The following ASIC2 variants were observed in gnomAD, a reference collection of about 807,000 sequenced individuals.
ASIC2 encodes acid-sensing ion channel 2.
ASIC2 carries 25 observed loss-of-function variants against 57.3 expected under a neutral mutation model. The observed-to-expected ratio is 0.44, with a 90% CI of 0.32 to 0.61. ASIC2 has a LOEUF of 0.61. ASIC2 is among the 20% of genes least tolerant of loss of function. The probability of loss-of-function intolerance (pLI) is 0.06; values close to 1 mark genes in which losing one functional copy is unlikely to be tolerated. For synonymous variants in ASIC2, 319 were observed against 307.5 expected (o/e 1.04, Z -0.39); for missense variants, 641 against 738.1 (o/e 0.87, Z 1.52).
chr17:33,221,747 G>A (rs531469829), intron 1 of ASIC2, among the ~76,000 whole-genome samples: 112 of 152,166 alleles, frequency 7.4e-4, no homozygotes, highest in African/African-American at 1.9e-3. Context: ...CAGGAAAATC[G>A]TAAGATACTT....
chr17:33,286,553 C>T (rs1489215236), intron 1 of ASIC2, among the ~76,000 whole-genome samples: 3 of 152,190 alleles, frequency 2.0e-5, no homozygotes, highest in Admixed American at 6.5e-5. Context: ...CTGAACTAGG[C>T]GCGGGGCCTA....
At chr17:33,620,299 C>T (rs1421041438) in intron 1 of ASIC2, among the ~76,000 whole-genome samples, 4 of 147,374 alleles carry the variant, frequency 2.7e-5, no homozygotes, top group East Asian at 4.0e-4. Context: ...TCTATTAATA[C>T]GGCCAAAAAG....
chr17:34,070,007 T>C (rs1024617770), intron 1 of ASIC2: 3 of 152,090 alleles, frequency 2.0e-5, no homozygotes, highest in African/African-American at 7.2e-5. Flanking sequence ...GCTTGGCCCA[T>C]AGTAGGTATA....
intron 1 of ASIC2, among the ~76,000 whole-genome samples, chr17:33,522,197 G>C (rs931149870): frequency 6.6e-6 from 1 of 152,080 alleles, no homozygotes; most frequent in Non-Finnish European, 1.5e-5. Context: ...GTACCCCCTC[G>C]TGGGCTCCCC....
intron 1 of ASIC2, among the ~76,000 whole-genome samples, chr17:33,458,585 T>C (rs568296384): frequency 6.6e-5 from 10 of 152,298 alleles, no homozygotes; most frequent in African/African-American, 2.2e-4. Flanking sequence ...TTTCCTCCTC[T>C]GCATAATGGG....
At chr17:34,027,046 C>A (rs1053022376) in intron 1 of ASIC2, among the ~76,000 whole-genome samples, 5 of 152,086 alleles carry the variant, frequency 3.3e-5, no homozygotes, top group Admixed American at 6.5e-5. Flanking sequence ...AAAGAGAAAA[C>A]AAAAACACTC....
chr17:33,264,708 G>A (rs1054766149), intron 1 of ASIC2, among the ~76,000 whole-genome samples: 6 of 152,224 alleles, frequency 3.9e-5, no homozygotes, highest in Non-Finnish European at 4.4e-5. Flanking sequence ...TGTGGGTTGG[G>A]CTAACTCAGT....
At chr17:33,890,947 A>G (rs928100572) in intron 1 of ASIC2, among the ~76,000 whole-genome samples, 2 of 148,120 alleles carry the variant, frequency 1.4e-5, no homozygotes, top group Non-Finnish European at 3.0e-5. Context: ...CCCCAAGCAG[A>G]CTGTGTGAGT....
At chr17:34,089,501 G>A (rs1284093031) in intron 1 of ASIC2, among the ~76,000 whole-genome samples, 3 of 152,164 alleles carry the variant, frequency 2.0e-5, no homozygotes, top group East Asian at 3.9e-4. Context: ...TATGGAAATT[G>A]ATGAGCCAAA....
chr17:33,568,734 G>A (rs1916332091), intron 1 of ASIC2, among the ~76,000 whole-genome samples: 1 of 152,068 alleles, frequency 6.6e-6, no homozygotes, highest in Non-Finnish European at 1.5e-5. Flanking sequence ...TTCTTTTTGA[G>A]GGGAAGGAAT....
Position 33,399,924 on chromosome 17 carries a change from C to T in ASIC2, c.556-287857G>A, listed in dbSNP as rs796488104. Among the ~76,000 whole-genome samples the T allele has an allele frequency of 1.6e-4, 25 of 152,298 alleles. 1 individual carries two copies. The highest frequency in any genetic ancestry group is 5.8e-4 in the African/African-American group (24 of 41,554). On this transcript the variant is annotated intron_variant, in intron 1 of 9. Coordinates refer to the ASIC2 transcript ENST00000359872. ...TAGAAAAGTGAACTCTGCAGACAAG[C>T]CTGGGACCCTATCTGTCTCATTAGT...
intron 1 of ASIC2, among the ~76,000 whole-genome samples, chr17:33,455,289 C>T (rs1912409046): frequency 6.6e-6 from 1 of 152,200 alleles, no homozygotes; most frequent in South Asian, 2.1e-4. Flanking sequence ...ATGATCCCCT[C>T]ACCCAGGTTC....
At chr17:33,646,213 C>G (rs1597819999) in intron 1 of ASIC2, among the ~76,000 whole-genome samples, 1 of 152,210 alleles carries the variant, frequency 6.6e-6, no homozygotes, top group Admixed American at 6.5e-5. Context: ...GAAATTTTAG[C>G]AGCCATGGTG....
chr17:33,260,226 C>A (rs1353511971), intron 1 of ASIC2, among the ~76,000 whole-genome samples: 2 of 152,094 alleles, frequency 1.3e-5, no homozygotes, highest in Non-Finnish European at 1.5e-5. Context: ...GCCTCCTGGC[C>A]CCTGAATCCA....
chr17:33,250,924 AAC>A (rs1321325140), intron 1 of ASIC2, among the ~76,000 whole-genome samples: 1 of 152,258 alleles, frequency 6.6e-6, no homozygotes, highest in Non-Finnish European at 1.5e-5. Context: ...ATGTATTTCA[AAC>A]AGTTATGTGC....
intron 1 of ASIC2, among the ~76,000 whole-genome samples, chr17:33,358,797 A>T (rs187120861): frequency 6.6e-6 from 1 of 152,220 alleles, no homozygotes; most frequent in South Asian, 2.1e-4. Context: ...ACTCAAAGCA[A>T]TTGCAGAGAG....
At chr17:33,354,166 G>A (rs1032098365) in intron 1 of ASIC2, among the ~76,000 whole-genome samples, 2 of 152,154 alleles carry the variant, frequency 1.3e-5, no homozygotes, top group African/African-American at 2.4e-5. Flanking sequence ...ACCTCCCACT[G>A]AGTCTGTCCC....
intron 1 of ASIC2, among the ~76,000 whole-genome samples, chr17:33,119,836 C>G (rs1401746442): frequency 6.6e-6 from 1 of 152,206 alleles, no homozygotes; most frequent in Non-Finnish European, 1.5e-5. Flanking sequence ...GCCCCTTTGC[C>G]CTTCCCAATC....
intron 1 of ASIC2, among the ~76,000 whole-genome samples, chr17:33,150,165 C>T (rs1904725909): frequency 6.6e-6 from 1 of 152,212 alleles, no homozygotes; most frequent in Admixed American, 6.5e-5. Flanking sequence ...ATTCCATGCA[C>T]ACCTTATTAA....
Sources: allele counts gnomAD v4.1 joint callset (sites outside exome capture counted in the v4.1 genomes callset), GRCh38; gene constraint gnomAD v4.1.1; transcripts MANE v1.5; gene names NCBI Gene and HGNC (gene_info 2026-07-23, HGNC 2026-07-21).